Variants in GABRG3 observed in about 807,000 individuals in gnomAD.
GABRG3 encodes gamma-aminobutyric acid receptor subunit gamma-3.
Under a neutral mutation model 48.8 loss-of-function variants are expected in GABRG3, and 25 were observed. The ratio of observed to expected loss-of-function variants is 0.51; its 90% confidence interval spans 0.37 to 0.72. The LOEUF is 0.72. Ranked by LOEUF, GABRG3 falls within the 30% of genes least tolerant of loss-of-function variation. The pLI is 0.00. For missense variants in GABRG3, 394 were observed against 577.9 expected, an observed-to-expected ratio of 0.68 and a Z score of 3.26; for synonymous variants, 227 against 217.6, an observed-to-expected ratio of 1.04 and a Z score of -0.38.
intron 3 of GABRG3, among the ~76,000 whole-genome samples, chr15:27,310,070 A>T (rs1434581811): frequency 6.6e-6 from 1 of 152,120 alleles, no homozygotes; most frequent in Non-Finnish European, 1.5e-5. Context: ...CCAAAGGTTG[A>T]TACTATAGTA....
chr15:27,168,283 A>G (rs1177786744), intron 3 of GABRG3, among the ~76,000 whole-genome samples: 1 of 152,122 alleles, frequency 6.6e-6, no homozygotes, highest in Non-Finnish European at 1.5e-5. Flanking sequence ...AATCAGATTG[A>G]AGCTCTCATT....
chr15:27,009,248 G>C (rs143262233), intron 2 of GABRG3, among the ~76,000 whole-genome samples: 10 of 152,256 alleles, frequency 6.6e-5, no homozygotes, highest in African/African-American at 2.4e-4. Flanking sequence ...AGAACAAGCC[G>C]TCAGTGTTGT....
chr15:27,251,595 A>T (rs568792263), intron 3 of GABRG3, among the ~76,000 whole-genome samples: 6 of 152,220 alleles, frequency 3.9e-5, no homozygotes, highest in African/African-American at 1.4e-4. Flanking sequence ...TTTTAAAGAA[A>T]TCCTAATCAA....
intron 5 of GABRG3, among the ~76,000 whole-genome samples, chr15:27,403,260 A>G (rs1206993787): frequency 6.6e-6 from 1 of 152,170 alleles, no homozygotes; most frequent in Non-Finnish European, 1.5e-5. Context: ...AAGCAGAAGT[A>G]CCTACCAATC....
intron 3 of GABRG3, among the ~76,000 whole-genome samples, chr15:27,173,971 A>G (rs527304807): frequency 6.6e-6 from 1 of 152,342 alleles, no homozygotes; most frequent in African/African-American, 2.4e-5. Context: ...ATCTGATTTG[A>G]TAGCTATCAA....
intron 3 of GABRG3, among the ~76,000 whole-genome samples, chr15:27,273,243 G>C (rs1355345694): frequency 6.6e-6 from 1 of 152,206 alleles, no homozygotes; most frequent in African/African-American, 2.4e-5. Flanking sequence ...TCAATCATGT[G>C]TCTAATACAT....
intron 2 of GABRG3, among the ~76,000 whole-genome samples, chr15:27,010,837 G>GT (rs1895671822): frequency 6.6e-6 from 1 of 152,056 alleles, no homozygotes. Flanking sequence ...GGTTGTTTTT[G>GT]TTTGTTTGTT....
chr15:27,271,541 A>G (rs1001579527), intron 3 of GABRG3: 1 of 455,910 alleles, frequency 2.2e-6, no homozygotes, highest in African/African-American at 2.0e-5. Flanking sequence ...AGATCTCCCC[A>G]GAAGCTGGGG....
At chr15:27,369,353 G>T (rs1487904483) in intron 5 of GABRG3, among the ~76,000 whole-genome samples, 1 of 152,186 alleles carries the variant, frequency 6.6e-6, no homozygotes. Flanking sequence ...GGATAACGAG[G>T]AAAATTGCCT....
chr15:27,138,879 A>G (rs1555405617), intron 3 of GABRG3, among the ~76,000 whole-genome samples: 1 of 152,128 alleles, frequency 6.6e-6, no homozygotes, highest in Non-Finnish European at 1.5e-5. Flanking sequence ...TTTTATTACA[A>G]TGTGGATAGA....
chr15:27,219,309 ATTGT>A (rs1889371891), intron 3 of GABRG3, among the ~76,000 whole-genome samples: 3 of 150,914 alleles, frequency 2.0e-5, no homozygotes, highest in African/African-American at 7.4e-5. Context: ...GTTTGGGACC[ATTGT>A]TTGTGCTCCT....
intron 2 of GABRG3, among the ~76,000 whole-genome samples, chr15:26,989,246 T>C (rs142175320): frequency 1.4e-3 from 218 of 152,352 alleles, no homozygotes; most frequent in African/African-American, 4.9e-3. Context: ...TCTTTCATCT[T>C]ATTCTTAGTT....
chr15:27,344,059 G>A (rs1421947353), intron 5 of GABRG3, among the ~76,000 whole-genome samples: 2 of 152,222 alleles, frequency 1.3e-5, no homozygotes, highest in Non-Finnish European at 2.9e-5. Context: ...TAAAAAGGAG[G>A]ACATTCAGCT....
At chr15:27,322,629 A>G (rs1016964913) in intron 3 of GABRG3, among the ~76,000 whole-genome samples, 49 of 152,206 alleles carry the variant, frequency 3.2e-4, no homozygotes, top group Non-Finnish European at 2.2e-4. Flanking sequence ...ATTTAATCCA[A>G]TCCGACACTT....
chr15:27,191,896 C>T (rs1277277948), intron 3 of GABRG3, among the ~76,000 whole-genome samples: 1 of 151,910 alleles, frequency 6.6e-6, no homozygotes, highest in Admixed American at 6.6e-5. Flanking sequence ...GTGCTTCCTT[C>T]AGGAGCTCTT....
chr15:27,400,577 G>C (rs1359847844), intron 5 of GABRG3, among the ~76,000 whole-genome samples: 1 of 152,064 alleles, frequency 6.6e-6, no homozygotes, highest in African/African-American at 2.4e-5. Context: ...CATTTTCTTA[G>C]AACTAGTCAT....
At chr15:27,246,310 G>A (rs1890269272) in intron 3 of GABRG3, among the ~76,000 whole-genome samples, 1 of 152,042 alleles carries the variant, frequency 6.6e-6, no homozygotes, top group African/African-American at 2.4e-5. Flanking sequence ...AGACAATATG[G>A]TATATTCTTT....
In GABRG3 at chr15:27,180,808, T is replaced by C. The variant is rs1887906543; in HGVS notation, c.271-146001T>C. Among the ~76,000 whole-genome samples, 1 of 152,238 alleles carries C rather than the reference T, an allele frequency of 6.6e-6. No homozygotes were observed. Among genetic ancestry groups the C allele is most frequent in the Non-Finnish European group, 1.5e-5 (1 of 68,046 alleles). Reference sequence around the variant, plus strand: ...CTCTTATCCACTCACATTTTGTCACTATCAGCATATATACCCCATGTAGCC... The same window carrying C: ...CTCTTATCCACTCACATTTTGTCACCATCAGCATATATACCCCATGTAGCC... On this transcript the variant is annotated intron_variant, in intron 3 of 9. Coordinates refer to ENST00000615808, the MANE Select transcript of GABRG3 (RefSeq NM_033223.5). This position sits in a 1 kb window ranked among gnomAD's most constrained non-coding sequence, Gnocchi z 4.2.
chr15:27,423,268 TC>T (rs1888187017), intron 5 of GABRG3, among the ~76,000 whole-genome samples: 1 of 113,366 alleles, frequency 8.8e-6, no homozygotes, highest in Non-Finnish European at 1.8e-5. Context: ...AAAAAAAACC[TC>T]TAGAGAGCCA....
Sources: gnomAD v4.1 joint callset for allele counts (sites outside exome capture counted in the v4.1 genomes callset) on GRCh38, gnomAD v4.1.1 for gene constraint, Gnocchi (gnomAD v3.1) non-coding constraint, MANE v1.5 for transcripts, NCBI Gene and HGNC (gene_info 2026-07-23, HGNC 2026-07-21) for gene names.